RNLS: variants seen among roughly 807,000 people sequenced by gnomAD.
The protein encoded by RNLS is renalase.
RNLS carries 39 observed loss-of-function variants against 39.8 expected under a neutral mutation model. The ratio of observed to expected loss-of-function variants is 0.98; its 90% CI spans 0.76 to 1.28. The LOEUF (loss-of-function observed/expected upper bound fraction) is 1.28. Ranked by LOEUF, RNLS falls within the 50% of genes most tolerant of loss-of-function variation. The pLI is 0.00. For missense variants in RNLS, 410 were observed against 413.3 expected, an observed-to-expected ratio of 0.99 and a Z score of 0.07; for synonymous variants, 147 against 150.7, an observed-to-expected ratio of 0.98 and a Z score of 0.18.
chr10:88,382,346 A>G (rs1851586966), intron 4 of RNLS, among the ~76,000 whole-genome samples: 1 of 152,128 alleles, frequency 6.6e-6, no homozygotes, highest in Admixed American at 6.5e-5. Flanking sequence ...CAATATATAC[A>G]GGCATTTCTA....
At chr10:88,344,757 GA>G (rs1848195560) in intron 5 of RNLS, among the ~76,000 whole-genome samples, 1 of 152,018 alleles carries the variant, frequency 6.6e-6, no homozygotes, top group African/African-American at 2.4e-5. Flanking sequence ...TTTTAGTGAG[GA>G]AAACTATATT....
At chr10:88,422,680 G>A (rs1854477941) in intron 4 of RNLS, among the ~76,000 whole-genome samples, 1 of 151,694 alleles carries the variant, frequency 6.6e-6, no homozygotes, top group Non-Finnish European at 1.5e-5. Context: ...ATAAGATTAA[G>A]AAAAAGAACA....
chr10:88,539,431 G>A (rs1163038536), intron 4 of RNLS, among the ~76,000 whole-genome samples: 2 of 152,038 alleles, frequency 1.3e-5, no homozygotes, highest in African/African-American at 2.4e-5. Context: ...ATACAAATTC[G>A]TCACACTTTA....
chr10:88,495,167 A>T (rs1238327290), intron 4 of RNLS, among the ~76,000 whole-genome samples: 1 of 152,164 alleles, frequency 6.6e-6, no homozygotes, highest in Non-Finnish European at 1.5e-5. Flanking sequence ...TTAAGAAGCA[A>T]TGTTAAATAA....
intron 4 of RNLS, among the ~76,000 whole-genome samples, chr10:88,399,977 C>T (rs1273397424): frequency 6.6e-6 from 1 of 151,938 alleles, no homozygotes; most frequent in Admixed American, 6.6e-5. Context: ...GCATTCCTTG[C>T]CTTGTGGCTA....
rs559135168 is a variant in RNLS at position 88,479,317 on chromosome 10, T to C, written c.526+93586A>G. On this transcript the variant is annotated intron_variant, in intron 4 of 6. Coordinates refer to ENST00000331772, the MANE Select transcript of RNLS (RefSeq NM_001031709.3). ...ATTCCTATAATTTTAGGAAGACAAA[T>C]AAACCTTGGCAGCTAGAGTGTTGCA... Among the ~76,000 whole-genome samples the C allele has an allele frequency of 2.6e-5, 4 of 152,306 alleles. 1 individual carries two copies. The highest frequency in any genetic ancestry group is 4.8e-5 in the African/African-American group (2 of 41,590).
rs558986985 is a variant in RNLS, at chr10:88,573,721, T to C, written c.368-660A>G. Among the ~76,000 whole-genome samples the C allele has an allele frequency of 1.1e-4, 17 of 152,332 alleles. No individual in the cohort carries two copies. The South Asian group carries it at 3.5e-3, about 32-fold the overall frequency. Reference sequence around the variant, plus strand: ...ACACAAGGATATTTTAATAATTATTTCTTTAATATTGTCTTCCCTTTTAAT... The same window carrying C: ...ACACAAGGATATTTTAATAATTATTCCTTTAATATTGTCTTCCCTTTTAAT... On this transcript the variant is annotated intron_variant, in intron 3 of 6. Transcript: ENST00000331772.
At chr10:88,567,436 G>T (rs1170791879) in intron 4 of RNLS, among the ~76,000 whole-genome samples, 2 of 152,138 alleles carry the variant, frequency 1.3e-5, no homozygotes, top group African/African-American at 4.8e-5. Flanking sequence ...AAACTATGCA[G>T]TTTTTAAATA....
intron 4 of RNLS, among the ~76,000 whole-genome samples, chr10:88,375,215 T>G (rs1564744084): frequency 6.6e-6 from 1 of 151,960 alleles, no homozygotes; most frequent in Non-Finnish European, 1.5e-5. Context: ...ACCCCTAGCT[T>G]CAAAGAGAAC....
chr10:88,272,987 A>G (rs750540836), downstream of RNLS, among the ~76,000 whole-genome samples: 2 of 152,078 alleles, frequency 1.3e-5, no homozygotes, highest in Admixed American at 1.3e-4. Context: ...TCTGCATTCT[A>G]TCCTCCCTCG....
chr10:88,260,071 G>A, the RNLS span, among the ~76,000 whole-genome samples: 9 of 152,148 alleles, frequency 5.9e-5, no homozygotes, highest in Non-Finnish European at 1.2e-4. Context: ...AAAAGAATTT[G>A]GTTTGGGCCT....
At chr10:88,342,491 T>C (rs569843258) in intron 5 of RNLS, among the ~76,000 whole-genome samples, 1 of 152,254 alleles carries the variant, frequency 6.6e-6, no homozygotes, top group African/African-American at 2.4e-5. Flanking sequence ...AAACATTTCA[T>C]TGAGAATTTA....
At chr10:88,395,159 G>A (rs958532881) in intron 4 of RNLS, among the ~76,000 whole-genome samples, 3 of 149,512 alleles carry the variant, frequency 2.0e-5, no homozygotes, top group African/African-American at 7.4e-5. Flanking sequence ...AAACCTGCAT[G>A]TTGCGCACAT....
intron 4 of RNLS, among the ~76,000 whole-genome samples, chr10:88,499,488 G>A (rs1845349836): frequency 6.6e-6 from 1 of 152,074 alleles, no homozygotes; most frequent in African/African-American, 2.4e-5. Context: ...AAGTTCTTAC[G>A]AAAAATTTTG....
At chr10:88,471,384 T>C (rs1843512401) in intron 4 of RNLS, among the ~76,000 whole-genome samples, 1 of 152,176 alleles carries the variant, frequency 6.6e-6, no homozygotes, top group Admixed American at 6.5e-5. Flanking sequence ...CCATTTTAAG[T>C]TTTGCTAACA....
At chr10:88,299,757 G>A (rs1371618527) in intron 6 of RNLS, among the ~76,000 whole-genome samples, 1 of 152,116 alleles carries the variant, frequency 6.6e-6, no homozygotes, top group African/African-American at 2.4e-5. Flanking sequence ...TATATTCTGT[G>A]AAACATCAAC....
intron 4 of RNLS, among the ~76,000 whole-genome samples, chr10:88,417,339 T>C (rs1854092924): frequency 6.6e-6 from 1 of 152,210 alleles, no homozygotes; most frequent in African/African-American, 2.4e-5. Flanking sequence ...ATATGCTTCC[T>C]ACAGTTAGAA....
Position 88,362,718 on chromosome 10 carries a change from A to T in RNLS, c.534T>A (p.Ser178Arg). 1 of 1,611,662 alleles carries T rather than the reference A, an allele frequency of 6.2e-7. No individual in the cohort carries two copies. The highest frequency in any genetic ancestry group is 1.1e-5 in the South Asian group (1 of 90,456). Residue 178 changes from serine to arginine, a missense_variant, in exon 5 of 7, where the codon AGT becomes AGA. By Grantham distance (110) the Ser-to-Arg change is moderately radical (BLOSUM62 -1). Transcript: ENST00000331772. ...CCTCCAGTTGCTGCCTTTGGCATTC[A>T]CTAATTACTGTGGAAGAAAAAATAA... ...QLQGDITTLI[S>R]ECQRQQLEAV...
chr10:88,284,513 T>C lies in RNLS; in HGVS notation c.*841A>G. Reference sequence around the variant, plus strand: ...AACTATTTTAAGTGCATCTATTTTCTGGTTCAGTAAATTTTTTGTTGTGTT... The same window carrying C: ...AACTATTTTAAGTGCATCTATTTTCCGGTTCAGTAAATTTTTTGTTGTGTT... On this transcript the variant is annotated 3_prime_UTR_variant, in exon 7 of 7. Coordinates refer to ENST00000331772, the MANE Select transcript of RNLS (RefSeq NM_001031709.3). The C allele has an allele frequency of 2.0e-6, 2 of 985,384 alleles. No homozygotes were observed. The highest frequency in any genetic ancestry group is 2.4e-6 in the Non-Finnish European group (2 of 829,908). 61.0% of individuals were successfully genotyped at this position (985,384 alleles called of 1,614,324 possible). A position where few individuals can be genotyped will look rare whatever the true frequency, so the allele number is the denominator to read the frequency against.
Sources: allele counts gnomAD v4.1 joint callset (sites outside exome capture counted in the v4.1 genomes callset), GRCh38; gene constraint gnomAD v4.1.1; transcripts MANE v1.5; gene names NCBI Gene and HGNC (gene_info 2026-07-23, HGNC 2026-07-21).